Variants in NAALADL2 observed in about 807,000 individuals in gnomAD.
NAALADL2 encodes N-acetylated alpha-linked acidic dipeptidase like 2.
Under a neutral mutation model 87.2 loss-of-function variants are expected in NAALADL2, and 76 were observed. The ratio of observed to expected loss-of-function variants is 0.87; its 90% CI spans 0.72 to 1.05. The LOEUF (loss-of-function observed/expected upper bound fraction) is 1.05. NAALADL2 is among the 50% of genes least tolerant of loss of function. The probability of loss-of-function intolerance (pLI) is 0.00; values close to 1 mark genes in which losing one functional copy is unlikely to be tolerated. For missense variants in NAALADL2, 1,089 were observed against 945.8 expected, an observed-to-expected ratio of 1.15 and a Z score of -1.99; for synonymous variants, 354 against 331.0, an observed-to-expected ratio of 1.07 and a Z score of -0.75.
intron 2 of NAALADL2, among the ~76,000 whole-genome samples, chr3:174,646,343 A>T (rs79012250): frequency 3.3e-5 from 5 of 152,224 alleles, no homozygotes; most frequent in Non-Finnish European, 7.4e-5. Flanking sequence ...ATAAAAATAG[A>T]TATACAATAG....
At chr3:174,965,520 G>A (rs923796293) in intron 1 of NAALADL2, among the ~76,000 whole-genome samples, 5 of 152,082 alleles carry the variant, frequency 3.3e-5, no homozygotes, top group Non-Finnish European at 5.9e-5. Context: ...ATATATGCAA[G>A]TATTGTGAGA....
intron 13 of NAALADL2, among the ~76,000 whole-genome samples, chr3:175,792,417 A>T (rs1227449384): frequency 6.6e-6 from 1 of 152,176 alleles, no homozygotes; most frequent in Non-Finnish European, 1.5e-5. Flanking sequence ...TGCACTTTGT[A>T]CTTACTTTTC....
At chr3:174,856,893 T>C (rs370987278), upstream of NAALADL2, among the ~76,000 whole-genome samples, 3 of 152,122 alleles carry the variant, frequency 2.0e-5, no homozygotes, top group African/African-American at 7.2e-5. Flanking sequence ...GGAAAAGGCA[T>C]TAAATTTGTG....
intron 2 of NAALADL2, among the ~76,000 whole-genome samples, chr3:174,703,130 TTAATTTAATG>T: frequency 6.6e-6 from 1 of 152,286 alleles, no homozygotes; most frequent in South Asian, 2.1e-4. Context: ...TTTTAATCTT[TTAATTTAATG>T]TAATTTAATT....
intron 2 of NAALADL2, among the ~76,000 whole-genome samples, chr3:174,726,617 T>C (rs1165562847): frequency 6.6e-6 from 1 of 152,142 alleles, no homozygotes; most frequent in African/African-American, 2.4e-5. Context: ...CTAGATACTA[T>C]TCTTTCCATC....
At chr3:175,553,672 A>G (rs1714794600) in intron 9 of NAALADL2, among the ~76,000 whole-genome samples, 1 of 151,140 alleles carries the variant, frequency 6.6e-6, no homozygotes, top group Non-Finnish European at 1.5e-5. Flanking sequence ...AAAATTCCAG[A>G]GGCTATTCCC....
chr3:175,627,286 C>T lies in NAALADL2; in HGVS notation c.1801-5C>T, dbSNP rs768700181. 48 of 1,549,992 alleles carry T rather than the reference C, an allele frequency of 3.1e-5. No homozygotes were observed. Among genetic ancestry groups the T allele is most frequent in the South Asian group, 2.7e-4 (22 of 83,000 alleles). ...TTTAAATGTTTCTTTTTTGATTTGC[C>T]GCAGGGTCCAAGTTTTCTCTCCGAG... On this transcript the variant is annotated splice_polypyrimidine_tract_variant and splice_region_variant and intron_variant, in intron 10 of 13. Coordinates refer to ENST00000454872, the MANE Select transcript of NAALADL2 (RefSeq NM_207015.3).
intron 2 of NAALADL2, among the ~76,000 whole-genome samples, chr3:174,725,482 G>T (rs534265212): frequency 2.7e-4 from 41 of 152,158 alleles, no homozygotes; most frequent in African/African-American, 9.4e-4. Flanking sequence ...AATTCCAAGG[G>T]TAATGACGTA....
chr3:174,803,686 A>G (rs542057635), intron 3 of NAALADL2, among the ~76,000 whole-genome samples: 93 of 152,258 alleles, frequency 6.1e-4, no homozygotes, highest in Non-Finnish European at 1.0e-3. Flanking sequence ...CTTTCTATAT[A>G]TGGCTAGCCA....
At chr3:175,466,922 A>C in intron 7 of NAALADL2, 57 bp from the exon 8 acceptor site, 1 of 1,342,222 alleles carries the variant, frequency 7.5e-7, no homozygotes, top group Non-Finnish European at 1.1e-6. Context: ...AATGTCATTA[A>C]ATTTATTGTT....
intron 1 of NAALADL2, among the ~76,000 whole-genome samples, chr3:174,526,393 C>T (rs1227129420): frequency 6.6e-6 from 1 of 152,120 alleles, no homozygotes; most frequent in Non-Finnish European, 1.5e-5. Context: ...CTCTTTATAG[C>T]CCGGTTTTCT....
intron 2 of NAALADL2, among the ~76,000 whole-genome samples, chr3:174,594,478 A>C (rs2108593982): frequency 6.6e-6 from 1 of 152,298 alleles, no homozygotes; most frequent in African/African-American, 2.4e-5. Flanking sequence ...TGACATTTTT[A>C]ATAGGCTGTT....
chr3:174,702,723 T>G (rs2081482575), intron 2 of NAALADL2, among the ~76,000 whole-genome samples: 1 of 152,232 alleles, frequency 6.6e-6, no homozygotes, highest in Non-Finnish European at 1.5e-5. Context: ...TGTTTGTGTA[T>G]CTAAACATAG....
chr3:175,196,604 G>A (rs967976483), intron 2 of NAALADL2, among the ~76,000 whole-genome samples: 10 of 151,892 alleles, frequency 6.6e-5, no homozygotes, highest in Admixed American at 1.3e-4. Flanking sequence ...CATTGACTTC[G>A]CATTTTCTCA....
At position 175,805,846 on chromosome 3, in the gene NAALADL2, AG is replaced by A. The variant is rs1333490495; in HGVS notation, c.*2644del. 1 of 151,924 alleles carries A rather than the reference AG, an allele frequency of 6.6e-6. No homozygotes were observed. Among genetic ancestry groups the A allele is most frequent in the Admixed American group, 6.6e-5 (1 of 15,204 alleles). The allele number at this position is 151,924 out of a possible 1,614,324, so 9.4% of individuals were successfully genotyped here. A position where few individuals can be genotyped will look rare whatever the true frequency, so the allele number is the denominator to read the frequency against. ...CATGAGATACTGCCCTTTATGGAAA[AG>A]CATAAGTCTCAGAATCAAAAGAAAG... On this transcript the variant is annotated 3_prime_UTR_variant, in exon 14 of 14. Coordinates refer to ENST00000454872, the MANE Select transcript of NAALADL2 (RefSeq NM_207015.3).
At chr3:174,951,804 C>T (rs1426551376) in intron 1 of NAALADL2, among the ~76,000 whole-genome samples, 2 of 152,080 alleles carry the variant, frequency 1.3e-5, no homozygotes, top group African/African-American at 4.8e-5. Flanking sequence ...TACCCCCACT[C>T]TGTTCTTACT....
At chr3:175,074,232 C>T (rs1450166179) in intron 1 of NAALADL2, among the ~76,000 whole-genome samples, 1 of 152,046 alleles carries the variant, frequency 6.6e-6, no homozygotes, top group Non-Finnish European at 1.5e-5. Flanking sequence ...TAATTACTAA[C>T]CTTTGTTTAA....
intron 5 of NAALADL2, chr3:175,397,401 G>C (rs188676471): frequency 6.6e-6 from 1 of 151,966 alleles, no homozygotes; most frequent in African/African-American, 2.4e-5. Context: ...ACGCAAGGGA[G>C]TGAAGTGGGG....
intron 1 of NAALADL2, among the ~76,000 whole-genome samples, chr3:174,914,654 CACAG>C (rs1418297853): frequency 1.3e-5 from 2 of 152,090 alleles, no homozygotes; most frequent in Admixed American, 6.5e-5. Context: ...TCTCAATAAT[CACAG>C]ACATTTATTT....
Sources: gnomAD v4.1 joint callset for allele counts (sites outside exome capture counted in the v4.1 genomes callset) on GRCh38, gnomAD v4.1.1 for gene constraint, MANE v1.5 for transcripts, NCBI Gene and HGNC (gene_info 2026-07-23, HGNC 2026-07-21) for gene names.